The following PDE11A variants were observed in gnomAD, a reference collection of about 807,000 sequenced individuals.
The protein encoded by PDE11A is phosphodiesterase 11A.
PDE11A carries 100 observed loss-of-function variants against 100.5 expected under a neutral mutation model. The ratio of observed to expected loss-of-function variants is 1.00; its 90% confidence interval spans 0.85 to 1.18. PDE11A has a LOEUF of 1.18. Ranked by LOEUF, PDE11A falls within the 50% of genes most tolerant of loss-of-function variation. PDE11A has a pLI of 0.00. For synonymous variants in PDE11A, 381 were observed against 420.8 expected, an observed-to-expected ratio of 0.91 and a Z score of 1.16; for missense variants, 1,141 against 1,152.6, an observed-to-expected ratio of 0.99 and a Z score of 0.15.
At chr2:177,858,987 A>G (rs1444942675) in intron 5 of PDE11A, among the ~76,000 whole-genome samples, 16 of 152,244 alleles carry the variant, frequency 1.1e-4, no homozygotes, top group African/African-American at 2.2e-4. Context: ...TCAGCAAACT[A>G]TCTCAAGAAC....
chr2:178,092,054 AT>A (rs1574394088), intron 2 of PDE11A, among the ~76,000 whole-genome samples: 1 of 152,144 alleles, frequency 6.6e-6, no homozygotes, highest in East Asian at 1.9e-4. Context: ...ATGTGACCTT[AT>A]TTTCCCTACT....
chr2:178,093,487 TAAGACAA>T (rs2087449386), intron 2 of PDE11A, among the ~76,000 whole-genome samples: 1 of 152,170 alleles, frequency 6.6e-6, no homozygotes, highest in Admixed American at 6.5e-5. Context: ...AATCCAGTTT[TAAGACAA>T]TAGAGAAAGG....
chr2:177,981,029 T>C (rs1056464801), intron 2 of PDE11A, among the ~76,000 whole-genome samples: 2 of 142,518 alleles, frequency 1.4e-5, no homozygotes, highest in African/African-American at 5.0e-5. Context: ...CAGCAGAAGG[T>C]AGAGTTAAAC....
At chr2:177,955,889 A>C (rs1005429810) in intron 2 of PDE11A, among the ~76,000 whole-genome samples, 18 of 152,120 alleles carry the variant, frequency 1.2e-4, no homozygotes, top group South Asian at 6.2e-4. Context: ...CCCTTCCTTA[A>C]ACCTTATACA....
At chr2:177,882,115 A>G (rs1490878840) in intron 4 of PDE11A, among the ~76,000 whole-genome samples, 1 of 152,236 alleles carries the variant, frequency 6.6e-6, no homozygotes, top group Non-Finnish European at 1.5e-5. Flanking sequence ...TTCCACTCCA[A>G]TTAAGCCTGT....
At chr2:177,755,341 T>C (rs1169325570) in intron 10 of PDE11A, among the ~76,000 whole-genome samples, 2 of 152,240 alleles carry the variant, frequency 1.3e-5, no homozygotes, top group African/African-American at 2.4e-5. Flanking sequence ...GTGGAACCAC[T>C]TCAGCAGACA....
At chr2:177,838,538 G>A (rs1041681916) in intron 6 of PDE11A, among the ~76,000 whole-genome samples, 6 of 152,082 alleles carry the variant, frequency 3.9e-5, no homozygotes, top group African/African-American at 7.2e-5. Context: ...GGGCAAAGAC[G>A]GATCTTAACT....
chr2:178,022,356 C>A (rs955239285), intron 1 of PDE11A, among the ~76,000 whole-genome samples: 1 of 152,158 alleles, frequency 6.6e-6, no homozygotes, highest in Non-Finnish European at 1.5e-5. Context: ...CAGTAAGGAA[C>A]AGATTCTGGG....
Position 178,001,456 on chromosome 2 carries a change from C to A in PDE11A, c.1071+12846G>T, listed in dbSNP as rs150434640. ...CTGCCTTCAATAGCATGGGGCTTTG[C>A]AATGTTAGAAATGGATTTCACTGGT... is the stretch of plus-strand genomic sequence containing the variant. On this transcript the variant is annotated intron_variant, in intron 2 of 19. Transcript: ENST00000286063. Among the ~76,000 whole-genome samples, 496 of 152,136 alleles carry A rather than the reference C, an allele frequency of 3.3e-3. 3 individuals are homozygous for A. Among genetic ancestry groups the A allele is most frequent in the African/African-American group, 0.011 (465 of 41,508 alleles).
At chr2:177,980,834 G>A (rs938613541) in intron 2 of PDE11A, among the ~76,000 whole-genome samples, 14 of 150,574 alleles carry the variant, frequency 9.3e-5, no homozygotes, top group African/African-American at 3.1e-4. Context: ...GAAATGAAGA[G>A]TCTTACTTGT....
At chr2:177,968,845 T>C (rs1332184874) in intron 2 of PDE11A, among the ~76,000 whole-genome samples, 4 of 152,224 alleles carry the variant, frequency 2.6e-5, no homozygotes, top group Admixed American at 6.5e-5. Flanking sequence ...TCAACCATTG[T>C]GTAAGACAGT....
At chr2:177,925,772 A>G (rs925227855) in intron 2 of PDE11A, among the ~76,000 whole-genome samples, 1 of 152,202 alleles carries the variant, frequency 6.6e-6, no homozygotes, top group African/African-American at 2.4e-5. Context: ...CTTGTATACA[A>G]TCTTCCCTAT....
At chr2:178,058,174 GCTAAA>G (rs1236680987) in intron 1 of PDE11A, among the ~76,000 whole-genome samples, 1 of 152,228 alleles carries the variant, frequency 6.6e-6, no homozygotes, top group East Asian at 1.9e-4. Context: ...AGCATTATTA[GCTAAA>G]CCCCCTGGTC....
chr2:177,855,855 A>G (rs2083822902), intron 5 of PDE11A, among the ~76,000 whole-genome samples: 1 of 151,628 alleles, frequency 6.6e-6, no homozygotes, highest in African/African-American at 2.4e-5. Flanking sequence ...ATGCTCCCAG[A>G]AGGCTTTGAA....
At chr2:177,899,052 C>A (rs946638850) in intron 3 of PDE11A, among the ~76,000 whole-genome samples, 1 of 152,150 alleles carries the variant, frequency 6.6e-6, no homozygotes, top group Non-Finnish European at 1.5e-5. Context: ...GATCATATAA[C>A]CATTAGCTAC....
At chr2:177,749,469 T>C (rs1244301557) in intron 10 of PDE11A, among the ~76,000 whole-genome samples, 2 of 152,194 alleles carry the variant, frequency 1.3e-5, no homozygotes, top group South Asian at 2.1e-4. Context: ...ATTAGATTTA[T>C]ATTTCAGTCA....
At chr2:178,022,222 G>A (rs2086421717) in intron 1 of PDE11A, among the ~76,000 whole-genome samples, 1 of 152,134 alleles carries the variant, frequency 6.6e-6, no homozygotes, top group Admixed American at 6.5e-5. Context: ...GAGGTAGAAT[G>A]AATAGAACTG....
intron 12 of PDE11A, among the ~76,000 whole-genome samples, chr2:177,720,691 T>C (rs890382238): frequency 1.3e-5 from 2 of 152,180 alleles, no homozygotes; most frequent in Non-Finnish European, 2.9e-5. Context: ...TAATTATTCA[T>C]GGGAACGGGA....
chr2:177,623,390 C>A lies in PDE11A; in HGVS notation c.*6017G>T, dbSNP rs1321210221. 6.6e-6 allele frequency: 1 copy of A among 152,178 alleles called. No individual in the cohort carries two copies. The highest frequency in any genetic ancestry group is 2.4e-5 in the African/African-American group (1 of 41,450). The allele number at this position is 152,178 out of a possible 1,614,324, so 9.4% of individuals were successfully genotyped here. A position where few individuals can be genotyped will look rare whatever the true frequency, so the allele number is the denominator to read the frequency against. ...ACAATGAAACATCAGTCTGGGAAAT[C>A]TACACAAAGTGAATGATTTCAAACA... On this transcript the variant is annotated 3_prime_UTR_variant, in exon 20 of 20. Coordinates refer to ENST00000286063, the MANE Select transcript of PDE11A (RefSeq NM_016953.4).
Sources: allele counts gnomAD v4.1 joint callset (sites outside exome capture counted in the v4.1 genomes callset), GRCh38; gene constraint gnomAD v4.1.1; transcripts MANE v1.5; gene names NCBI Gene and HGNC (gene_info 2026-07-23, HGNC 2026-07-21).